The following HNRNPF variants were observed in gnomAD, a reference collection of about 807,000 sequenced individuals.
HNRNPF encodes heterogeneous nuclear ribonucleoprotein F, also known as HnRNP F protein.
Under a neutral mutation model 26.0 loss-of-function variants are expected in HNRNPF, and 2 were observed. The observed-to-expected ratio is 0.08, with a 90% CI of 0.03 to 0.24. The LOEUF (loss-of-function observed/expected upper bound fraction) is 0.24. Among genes scored for constraint, HNRNPF ranks in the 10% least tolerant of loss-of-function variants. HNRNPF has a pLI of 1.00. For missense variants in HNRNPF, 299 were observed against 539.2 expected (o/e 0.55, Z 4.41); for synonymous variants, 234 against 211.5 (o/e 1.11, Z -0.92).
At chr10:43,395,675 A>G (rs1048668117) in intron 2 of HNRNPF, among the ~76,000 whole-genome samples, 2 of 152,242 alleles carry the variant, frequency 1.3e-5, no homozygotes, top group African/African-American at 2.4e-5. Flanking sequence ...CAGGTTTTCA[A>G]AAGGCTTCAA....
chr10:43,401,956 A>G (rs1395793660), intron 1 of HNRNPF, among the ~76,000 whole-genome samples: 1 of 152,166 alleles, frequency 6.6e-6, no homozygotes, highest in African/African-American at 2.4e-5. Flanking sequence ...TGCAGAACAG[A>G]GAGATGGAAG....
rs1206422821 is a variant in HNRNPF, at chr10:43,386,581, T to C, written c.*56A>G. The C allele has an allele frequency of 6.8e-7, 1 of 1,474,886 alleles. No homozygotes were observed. Among genetic ancestry groups the C allele is most frequent in the Non-Finnish European group, 9.0e-7 (1 of 1,109,384 alleles). The allele number at this position is 1,474,886 out of a possible 1,614,324, so 91.4% of individuals were successfully genotyped here. On this transcript the variant is annotated 3_prime_UTR_variant, in exon 4 of 4. Transcript: ENST00000682386. ...CTTCCTCTATTATAACTGCTCTTAATTGCTTGTTGGCTGCCTGTGAAAATG... is the reference window on the plus strand; with the variant it reads ...CTTCCTCTATTATAACTGCTCTTAACTGCTTGTTGGCTGCCTGTGAAAATG...
chr10:43,395,503 G>A (rs1049718326), intron 2 of HNRNPF, among the ~76,000 whole-genome samples: 1 of 152,196 alleles, frequency 6.6e-6, no homozygotes, highest in Non-Finnish European at 1.5e-5. Flanking sequence ...AGCTAATTAT[G>A]CTGAACCTGT....
chr10:43,406,998 C>T (rs2131994891), intron 1 of HNRNPF, among the ~76,000 whole-genome samples: 1 of 152,298 alleles, frequency 6.6e-6, no homozygotes, highest in East Asian at 1.9e-4. Context: ...GTATCTTTCA[C>T]CTACCTGGAG....
At chr10:43,393,927 A>C (rs1010977593) in intron 3 of HNRNPF, among the ~76,000 whole-genome samples, 1 of 152,334 alleles carries the variant, frequency 6.6e-6, no homozygotes, top group South Asian at 2.1e-4. Context: ...TGTCTACCTA[A>C]ATCCCACTAA....
At chr10:43,405,232 AAAG>A (rs1347806251) in intron 1 of HNRNPF, among the ~76,000 whole-genome samples, 2 of 152,262 alleles carry the variant, frequency 1.3e-5, no homozygotes, top group Non-Finnish European at 2.9e-5. Context: ...TTTTACCACT[AAAG>A]AATATAAGAT....
chr10:43,397,368 G>T (rs542470281), intron 1 of HNRNPF: 1 of 152,484 alleles, frequency 6.6e-6, no homozygotes, highest in African/African-American at 2.4e-5. Flanking sequence ...CGGCCCCGTG[G>T]CCCGCGCGCT....
intron 3 of HNRNPF, among the ~76,000 whole-genome samples, chr10:43,391,851 C>A (rs968111823): frequency 7.2e-5 from 11 of 152,174 alleles, no homozygotes; most frequent in African/African-American, 2.7e-4. Flanking sequence ...TCATGTCATA[C>A]CTCCCCTGTG....
chr10:43,388,805 G>A (rs183756442), intron 3 of HNRNPF, among the ~76,000 whole-genome samples: 12 of 152,282 alleles, frequency 7.9e-5, no homozygotes, highest in Non-Finnish European at 1.6e-4. Context: ...ACCACACACT[G>A]GAAGGCAGTC....
At chr10:43,397,667 A>G (rs1838601487) in intron 1 of HNRNPF, among the ~76,000 whole-genome samples, 1 of 152,236 alleles carries the variant, frequency 6.6e-6, no homozygotes, top group African/African-American at 2.4e-5. Context: ...AAATTTTTTT[A>G]ACGCAATTCC....
At chr10:43,402,990 C>T (rs1234393233) in intron 1 of HNRNPF, among the ~76,000 whole-genome samples, 1 of 151,718 alleles carries the variant, frequency 6.6e-6, no homozygotes, top group Non-Finnish European at 1.5e-5. Flanking sequence ...TACAAGTGTT[C>T]GCTATCATAC....
At chr10:43,404,524 C>T (rs1436408311) in intron 1 of HNRNPF, among the ~76,000 whole-genome samples, 2 of 152,066 alleles carry the variant, frequency 1.3e-5, no homozygotes, top group Non-Finnish European at 2.9e-5. Flanking sequence ...AGCACAGCAC[C>T]TCAAGTAAGT....
At chr10:43,405,830 G>A (rs560224008) in intron 1 of HNRNPF, among the ~76,000 whole-genome samples, 12 of 152,220 alleles carry the variant, frequency 7.9e-5, no homozygotes, top group Admixed American at 2.0e-4. Flanking sequence ...TGTAAAATAA[G>A]CCAGGGCGGT....
intron 3 of HNRNPF, among the ~76,000 whole-genome samples, chr10:43,388,577 C>A (rs531293799): frequency 1.7e-4 from 26 of 152,308 alleles, no homozygotes; most frequent in African/African-American, 5.8e-4. Flanking sequence ...GACAAGCAGA[C>A]AAATTCACCA....
chr10:43,400,530 T>C (rs1447711839), intron 1 of HNRNPF, among the ~76,000 whole-genome samples: 1 of 152,236 alleles, frequency 6.6e-6, no homozygotes, highest in Non-Finnish European at 1.5e-5. Flanking sequence ...TTTCCTTTTC[T>C]GTTGGAAATA....
At chr10:43,389,271 T>C (rs551690991) in intron 3 of HNRNPF, among the ~76,000 whole-genome samples, 1 of 152,152 alleles carries the variant, frequency 6.6e-6, no homozygotes, top group South Asian at 2.1e-4. Flanking sequence ...CATGCACAGC[T>C]GGAAATCGAA....
rs538631552 is a variant in HNRNPF, at chr10:43,387,105, G to C, written c.780C>G (p.Phe260Leu). The C allele has an allele frequency of 9.3e-6, 15 of 1,613,574 alleles. No homozygotes were observed. Among genetic ancestry groups the C allele is most frequent in the Non-Finnish European group, 1.2e-5 (14 of 1,180,032 alleles). The part of the protein sequence containing the change: ...SDGYGFTTDL[F>L]GRDLSYCLSG... ...AGAGACAGTAGCTGAGGTCTCTCCC[G>C]AACAGGTCGGTGGTGAAGCCGTAGC... The change falls in exon 4 of 4, where the codon TTC (phenylalanine) becomes TTG (leucine). Residue 260 changes from phenylalanine to leucine, a missense_variant. Around this residue, in one of 6 missense-constraint regions of HNRNPF, gnomAD observed 74 missense variants for 77.7 expected, o/e 0.95. Transcript: ENST00000682386. The surrounding 1 kb of genome is among the most constrained non-coding windows in gnomAD (Gnocchi z 6.0).
At chr10:43,398,345 T>TTG (rs60862022) in intron 1 of HNRNPF, among the ~76,000 whole-genome samples, 811 of 63,080 alleles carry the variant, frequency 0.013, 8 homozygotes, top group African/African-American at 0.09. Flanking sequence ...GTTGTTGTTG[T>TTG]TTTTTTTTTT....
intron 3 of HNRNPF, among the ~76,000 whole-genome samples, chr10:43,388,871 G>T (rs745779279): frequency 6.6e-6 from 1 of 151,768 alleles, no homozygotes; most frequent in East Asian, 1.9e-4. Context: ...ATAGTCACAA[G>T]CAAGAAAAAC....
Sources: gnomAD v4.1 joint callset for allele counts (sites outside exome capture counted in the v4.1 genomes callset) on GRCh38, gnomAD v4.1.1 for gene constraint, gnomAD v4.1.1 regional missense constraint, Gnocchi (gnomAD v3.1) non-coding constraint, MANE v1.5 for transcripts, NCBI Gene and HGNC (gene_info 2026-07-23, HGNC 2026-07-21) for gene names.